Variants in FNBP1L observed in about 807,000 individuals in gnomAD.
FNBP1L encodes the protein formin-binding protein 1-like.
In FNBP1L, 36 loss-of-function variants were observed where a neutral mutation model predicts 91.2. That is an observed-to-expected ratio of 0.39 (90% CI 0.30 to 0.52). The LOEUF is 0.52. Ranked by LOEUF, FNBP1L falls within the 20% of genes least tolerant of loss-of-function variation. FNBP1L has a pLI of 0.66. For missense variants in FNBP1L, 571 were observed against 732.1 expected (o/e 0.78, Z 2.54); for synonymous variants, 242 against 237.0 (o/e 1.02, Z -0.19).
Position 93,461,587 on chromosome 1 carries a change from C to T in FNBP1L, c.24+13282C>T, listed in dbSNP as rs181605208. ...CAGGGAACAACATCAACAATGTTTG[C>T]CTCTTTATCACAAATGCAAAAGCTT... On this transcript the variant is annotated intron_variant, in intron 1 of 16. Transcript: ENST00000271234. Among the ~76,000 whole-genome samples, 38 of 152,138 alleles carry T rather than the reference C, an allele frequency of 2.5e-4. No homozygotes were observed. In the East Asian group the frequency reaches 6.4e-3, roughly 26 times the overall value.
intron 4 of FNBP1L, among the ~76,000 whole-genome samples, chr1:93,523,848 C>T (rs1557809238): frequency 6.6e-6 from 1 of 152,120 alleles, no homozygotes; most frequent in Non-Finnish European, 1.5e-5. Flanking sequence ...TTTATTGGAA[C>T]AGACCCACAT....
At chr1:93,486,650 C>T (rs1435047871) in intron 1 of FNBP1L, among the ~76,000 whole-genome samples, 1 of 152,110 alleles carries the variant, frequency 6.6e-6, no homozygotes, top group South Asian at 2.1e-4. Flanking sequence ...ATTGACCTTG[C>T]CTTCTGTTTT....
chr1:93,448,548 G>A (rs1030180633), intron 1 of FNBP1L, among the ~76,000 whole-genome samples: 4 of 152,112 alleles, frequency 2.6e-5, no homozygotes, highest in African/African-American at 7.2e-5. Context: ...GCGGCGCCCG[G>A]GACGGCCGGG....
chr1:93,530,976 TC>T (rs1671657504), intron 7 of FNBP1L, 93 bp downstream of exon 7: 3 of 993,578 alleles, frequency 3.0e-6, no homozygotes, highest in Non-Finnish European at 4.3e-6. Context: ...CTTTCTAGAT[TC>T]ACTAGACATC....
chr1:93,485,920 G>A (rs1272517306), intron 1 of FNBP1L, among the ~76,000 whole-genome samples: 1 of 152,110 alleles, frequency 6.6e-6, no homozygotes, highest in African/African-American at 2.4e-5. Flanking sequence ...GGCTGGTCTC[G>A]AACTCCTGAC....
intron 5 of FNBP1L, among the ~76,000 whole-genome samples, chr1:93,527,505 C>T (rs904243810): frequency 6.6e-6 from 1 of 152,142 alleles, no homozygotes; most frequent in Non-Finnish European, 1.5e-5. Flanking sequence ...CTGTTTGCTT[C>T]TTCTGAGGAA....
chr1:93,521,573 A>G lies in FNBP1L; in HGVS notation c.141-509A>G, dbSNP rs544020567. On this transcript the variant is annotated intron_variant, in intron 2 of 16. Transcript: ENST00000271234. ...CATAACATTTGCCTATAACCTACCC[A>G]CATCCTCCCCATACTTTAAATCATC... Among the ~76,000 whole-genome samples, 17 of 152,290 alleles carry G rather than the reference A, an allele frequency of 1.1e-4. No homozygotes were observed. In the East Asian group the frequency reaches 3.3e-3, roughly 29 times the overall value.
intron 1 of FNBP1L, among the ~76,000 whole-genome samples, chr1:93,461,305 G>A (rs916883282): frequency 2.6e-5 from 4 of 152,272 alleles, no homozygotes; most frequent in African/African-American, 7.2e-5. Flanking sequence ...GCAAGTTGAA[G>A]TGTTGATGTC....
In FNBP1L at chr1:93,552,485, T is replaced by C; in HGVS notation, c.*69T>C. ...ATGCAGCTGCTTTTGGGGGAGGGTA[T>C]TAGAGTTGTCAGGCTCAAAGAGAGT... On this transcript the variant is annotated 3_prime_UTR_variant, in exon 17 of 17. Transcript: ENST00000271234. 1 of 1,579,514 alleles carries C rather than the reference T, an allele frequency of 6.3e-7. No individual in the cohort carries two copies. Among genetic ancestry groups the C allele is most frequent in the Non-Finnish European group, 8.6e-7 (1 of 1,156,954 alleles).
intron 2 of FNBP1L, among the ~76,000 whole-genome samples, chr1:93,517,592 A>G (rs1360618521): frequency 6.6e-6 from 1 of 152,216 alleles, no homozygotes; most frequent in East Asian, 1.9e-4. Flanking sequence ...GTAATGCAAA[A>G]GCAGCCATAG....
Position 93,544,175 on chromosome 1 carries a change from T to C in FNBP1L, c.1233T>C (p.Ile411=). The C allele has an allele frequency of 6.2e-7, 1 of 1,612,148 alleles. No individual in the cohort carries two copies. Residue 411 remains isoleucine (I), a synonymous_variant, in exon 12 of 17, where the codon ATT becomes ATC. Transcript: ENST00000271234. ...EQRRKKLQQR[I]DELNRELQKE... The stretch of plus-strand genomic sequence containing the variant: ...GACGTAAAAAACTACAGCAGCGCAT[T>C]GATGAACTTAACAGAGAACTACAGA...
intron 1 of FNBP1L, among the ~76,000 whole-genome samples, chr1:93,465,351 C>G (rs960656008): frequency 4.6e-5 from 7 of 152,142 alleles, no homozygotes; most frequent in Admixed American, 4.6e-4. Flanking sequence ...TATCCCTCCC[C>G]CAGCCTCCCA....
chr1:93,483,963 C>T (rs1026291799), intron 1 of FNBP1L, among the ~76,000 whole-genome samples: 9 of 152,236 alleles, frequency 5.9e-5, no homozygotes, highest in Non-Finnish European at 1.2e-4. Context: ...GAGTCTCTCT[C>T]TGTTGCCCAG....
At chr1:93,465,476 A>G (rs1669044018) in intron 1 of FNBP1L, among the ~76,000 whole-genome samples, 1 of 151,572 alleles carries the variant, frequency 6.6e-6, no homozygotes. Context: ...TCCTTGTGAT[A>G]GTTTGCTCAG....
chr1:93,488,487 G>A (rs973576590), intron 1 of FNBP1L: 1 of 152,128 alleles, frequency 6.6e-6, no homozygotes, highest in African/African-American at 2.4e-5. Flanking sequence ...GGAAACTCCA[G>A]TGATCTATTT....
intron 1 of FNBP1L, among the ~76,000 whole-genome samples, chr1:93,461,636 T>A (rs990040492): frequency 6.6e-6 from 1 of 152,100 alleles, no homozygotes. Flanking sequence ...ACAAAAAACA[T>A]CTCCCTTATT....
chr1:93,482,500 G>A (rs989391759), intron 1 of FNBP1L, among the ~76,000 whole-genome samples: 11 of 152,148 alleles, frequency 7.2e-5, no homozygotes, highest in African/African-American at 2.7e-4. Context: ...TCTTTTAGGA[G>A]TAAAAATAAG....
chr1:93,529,424 G>T (rs1671601185), intron 5 of FNBP1L, among the ~76,000 whole-genome samples: 1 of 152,032 alleles, frequency 6.6e-6, no homozygotes, highest in Non-Finnish European at 1.5e-5. Flanking sequence ...ACATTTTAAA[G>T]TTATTTCTTT....
intron 1 of FNBP1L, among the ~76,000 whole-genome samples, chr1:93,487,100 G>T (rs1371947801): frequency 6.6e-6 from 1 of 152,140 alleles, no homozygotes; most frequent in Non-Finnish European, 1.5e-5. Context: ...GACAGTCAAT[G>T]ATCTGCATGT....
Sources: gnomAD v4.1 joint callset for allele counts (sites outside exome capture counted in the v4.1 genomes callset) on GRCh38, gnomAD v4.1.1 for gene constraint, MANE v1.5 for transcripts, NCBI Gene and HGNC (gene_info 2026-07-23, HGNC 2026-07-21) for gene names.